Variants in SLCO3A1 observed in about 807,000 individuals in gnomAD.
The protein encoded by SLCO3A1 is PGE1 transporter.
SLCO3A1 carries 27 observed loss-of-function variants against 63.1 expected under a neutral mutation model. That is an observed-to-expected ratio of 0.43 (90% CI 0.32 to 0.59). SLCO3A1 has a LOEUF of 0.59. Among genes scored for constraint, SLCO3A1 ranks in the 20% least tolerant of loss-of-function variants. The pLI is 0.09. For missense variants in SLCO3A1, 773 were observed against 945.8 expected (o/e 0.82, Z 2.40); for synonymous variants, 473 against 409.9 (o/e 1.15, Z -1.86).
chr15:91,951,909 G>A (rs549690783), intron 2 of SLCO3A1, among the ~76,000 whole-genome samples: 19 of 152,190 alleles, frequency 1.2e-4, no homozygotes, highest in African/African-American at 3.9e-4. Context: ...TGTATATACC[G>A]AGAATTGGAA....
rs1046607276 is a variant in SLCO3A1, at chr15:92,164,242, A to G, written c.*1107A>G. ...GTGATACAAGGGATGCAATTAACCT[A>G]TTGTAATTTTCATCATTTTATCCTC... is the stretch of plus-strand genomic sequence containing the variant. On this transcript the variant is annotated 3_prime_UTR_variant, in exon 10 of 10. Transcript: ENST00000318445. The G allele has an allele frequency of 2.0e-6, 2 of 984,308 alleles. No individual in the cohort carries two copies. The highest frequency in any genetic ancestry group is 4.7e-5 in the South Asian group (1 of 21,276). 61.0% of individuals were successfully genotyped at this position (984,308 alleles called of 1,614,324 possible). A position where few individuals can be genotyped will look rare whatever the true frequency, so the allele number is the denominator to read the frequency against.
chr15:92,052,527 C>A (rs1567091569), intron 2 of SLCO3A1, among the ~76,000 whole-genome samples: 1 of 152,092 alleles, frequency 6.6e-6, no homozygotes, highest in Non-Finnish European at 1.5e-5. Context: ...AAGCAGTGAC[C>A]AGCCTCAGAT....
intron 2 of SLCO3A1, among the ~76,000 whole-genome samples, chr15:92,049,854 C>G (rs759796580): frequency 6.6e-6 from 1 of 152,166 alleles, no homozygotes; most frequent in Non-Finnish European, 1.5e-5. Flanking sequence ...GAAAAGAAGA[C>G]TCGACAGCTT....
intron 1 of SLCO3A1, among the ~76,000 whole-genome samples, chr15:91,907,741 G>T (rs1289719095): frequency 1.3e-5 from 2 of 151,906 alleles, no homozygotes; most frequent in Non-Finnish European, 2.9e-5. Context: ...GGTCAGGCTG[G>T]TCTTGAACTC....
rs1048297626 is a variant in SLCO3A1 at position 91,942,669 on chromosome 15, C to T, written c.646+26211C>T. Among the ~76,000 whole-genome samples the T allele has an allele frequency of 2.6e-5, 4 of 152,178 alleles. No homozygotes were observed. The highest frequency in any genetic ancestry group is 9.7e-5 in the African/African-American group (4 of 41,442). On this transcript the variant is annotated intron_variant, in intron 2 of 9. Coordinates refer to ENST00000318445, the MANE Select transcript of SLCO3A1 (RefSeq NM_013272.4). The surrounding 1 kb of genome is among the most constrained non-coding windows in gnomAD (Gnocchi z 4.1). ...CCCAATCTCAGCTCACTGCAACCTC[C>T]ACCTCCTGGGTGAAGGTAATTCCCA...
At chr15:92,114,249 C>A (rs539776237) in intron 4 of SLCO3A1, among the ~76,000 whole-genome samples, 1 of 152,292 alleles carries the variant, frequency 6.6e-6, no homozygotes, top group East Asian at 1.9e-4. Flanking sequence ...AAGTTTTTTT[C>A]TGTTGCCTCA....
intron 2 of SLCO3A1, among the ~76,000 whole-genome samples, chr15:91,927,878 G>A (rs1361516954): frequency 6.6e-6 from 1 of 152,212 alleles, no homozygotes; most frequent in Non-Finnish European, 1.5e-5. Flanking sequence ...TTGAAACCTG[G>A]TGGTGTCTAT....
intron 4 of SLCO3A1, among the ~76,000 whole-genome samples, chr15:92,106,409 C>G (rs1446149543): frequency 6.6e-6 from 1 of 152,082 alleles, no homozygotes; most frequent in African/African-American, 2.4e-5. Flanking sequence ...CCTGCGACTC[C>G]CCTAGTAGCA....
At chr15:91,899,645 A>G (rs1378636098) in intron 1 of SLCO3A1, among the ~76,000 whole-genome samples, 2 of 152,152 alleles carry the variant, frequency 1.3e-5, no homozygotes, top group African/African-American at 2.4e-5. Flanking sequence ...AAATCCGTCC[A>G]TGCTAAGTAT....
intron 2 of SLCO3A1, among the ~76,000 whole-genome samples, chr15:91,969,046 G>T (rs1033011475): frequency 1.3e-5 from 2 of 152,124 alleles, no homozygotes; most frequent in East Asian, 3.9e-4. Context: ...TCATTTTTTG[G>T]TGTGATTGTA....
chr15:91,876,804 G>A (rs549682725), intron 1 of SLCO3A1, among the ~76,000 whole-genome samples: 12 of 152,340 alleles, frequency 7.9e-5, no homozygotes, highest in South Asian at 2.1e-4. Context: ...GCCCTGGTGC[G>A]CTCTTCTCTG....
intron 2 of SLCO3A1, among the ~76,000 whole-genome samples, chr15:92,052,980 T>A (rs1181875132): frequency 6.6e-6 from 1 of 152,204 alleles, no homozygotes; most frequent in Admixed American, 6.5e-5. Flanking sequence ...ATACTTTTGC[T>A]GGACAGTGCG....
intron 2 of SLCO3A1, among the ~76,000 whole-genome samples, chr15:92,010,680 A>G (rs776009205): frequency 6.6e-6 from 1 of 152,132 alleles, no homozygotes; most frequent in Non-Finnish European, 1.5e-5. Context: ...GTGGGGATCA[A>G]ATGTTCGGCT....
chr15:92,128,060 G>T (rs554585632), intron 6 of SLCO3A1, among the ~76,000 whole-genome samples: 1 of 152,130 alleles, frequency 6.6e-6, no homozygotes, highest in Non-Finnish European at 1.5e-5. Flanking sequence ...CTTCCTCCTC[G>T]CTTCATGAGA....
At chr15:91,907,921 A>G (rs1223258549) in intron 1 of SLCO3A1, among the ~76,000 whole-genome samples, 2 of 152,204 alleles carry the variant, frequency 1.3e-5, no homozygotes. Flanking sequence ...ACCCAGGTGT[A>G]GAGAGGGCAG....
chr15:91,965,461 G>T (rs2151424625), intron 2 of SLCO3A1, among the ~76,000 whole-genome samples: 1 of 152,266 alleles, frequency 6.6e-6, no homozygotes, highest in Non-Finnish European at 1.5e-5. Flanking sequence ...TCTCATTTGG[G>T]CCTCTGAGGC....
chr15:92,067,939 G>A (rs34555786), intron 2 of SLCO3A1, among the ~76,000 whole-genome samples: 17,750 of 152,154 alleles, frequency 0.12, 1,183 homozygotes, highest in East Asian at 0.27. Context: ...CCTCTTCTGC[G>A]GGAAGGGGTG....
chr15:92,154,597 C>T (rs751844755), intron 9 of SLCO3A1, among the ~76,000 whole-genome samples: 5 of 152,118 alleles, frequency 3.3e-5, no homozygotes, highest in African/African-American at 9.7e-5. Flanking sequence ...ACCCTCTTTC[C>T]AGACACTTGG....
intron 2 of SLCO3A1, among the ~76,000 whole-genome samples, chr15:91,956,735 C>G (rs1301851554): frequency 2.0e-5 from 3 of 149,630 alleles, no homozygotes; most frequent in Non-Finnish European, 4.4e-5. Flanking sequence ...TTGTCCAAGC[C>G]CCCATGATCT....
Sources: gnomAD v4.1 joint callset for allele counts (sites outside exome capture counted in the v4.1 genomes callset) on GRCh38, gnomAD v4.1.1 for gene constraint, Gnocchi (gnomAD v3.1) non-coding constraint, MANE v1.5 for transcripts, NCBI Gene and HGNC (gene_info 2026-07-23, HGNC 2026-07-21) for gene names.